SSPN: variants seen among roughly 807,000 people sequenced by gnomAD.
SSPN encodes K-ras oncogene-associated protein.
In SSPN, 15 loss-of-function variants were observed where a neutral mutation model predicts 19.1. That is an observed-to-expected ratio of 0.78 (90% confidence interval 0.52 to 1.21). SSPN has a LOEUF of 1.21. SSPN is among the 50% of genes most tolerant of loss of function. SSPN has a pLI of 0.00. For missense variants in SSPN, 291 were observed against 314.0 expected (o/e 0.93, Z 0.55); for synonymous variants, 147 against 140.3 (o/e 1.05, Z -0.34).
upstream of SSPN, chr12:26,195,528 C>T: frequency 8.0e-7 from 1 of 1,256,378 alleles, no homozygotes; most frequent in Non-Finnish European, 1.0e-6. Flanking sequence ...CCTTTGGAGG[C>T]TCGGTGAGTC....
At chr12:26,151,110 A>C (rs1944522658) in intron 1 of SSPN, among the ~76,000 whole-genome samples, 1 of 152,140 alleles carries the variant, frequency 6.6e-6, no homozygotes, top group Non-Finnish European at 1.5e-5. Flanking sequence ...AAAAGGGGCA[A>C]GTCTATATTT....
chr12:26,233,940 G>A lies in SSPN; in HGVS notation c.*2864G>A, dbSNP rs1945261242. 6.6e-6 allele frequency: 1 copy of A among 152,190 alleles called. No homozygotes were observed. Among genetic ancestry groups the A allele is most frequent in the Admixed American group, 6.5e-5 (1 of 15,278 alleles). 9.4% of individuals were successfully genotyped at this position (152,190 alleles called of 1,614,324 possible). A position where few individuals can be genotyped will look rare whatever the true frequency, so the allele number is the denominator to read the frequency against. On this transcript the variant is annotated 3_prime_UTR_variant, in exon 3 of 3. Transcript: ENST00000242729. This position sits in a 1 kb window ranked among gnomAD's most constrained non-coding sequence, Gnocchi z 4.3. ...TGCCTCCCTCGCTCCATCCAAATTT[G>A]TGTAGGCTGCTCCTTGGAGCTATGC...
chr12:26,230,099 A>G (rs1945214633), intron 2 of SSPN, among the ~76,000 whole-genome samples: 2 of 151,956 alleles, frequency 1.3e-5, no homozygotes, highest in African/African-American at 4.9e-5. Context: ...TTCACAGGCG[A>G]TGAAGCTGAC....
At chr12:26,229,774 G>C (rs1415022271) in intron 2 of SSPN, among the ~76,000 whole-genome samples, 1 of 152,170 alleles carries the variant, frequency 6.6e-6, no homozygotes, top group Non-Finnish European at 1.5e-5. Context: ...AGTCTCAGCA[G>C]GTGGACCATT....
intron 1 of SSPN, among the ~76,000 whole-genome samples, chr12:26,142,553 T>C (rs893977586): frequency 1.3e-5 from 2 of 152,164 alleles, no homozygotes; most frequent in Non-Finnish European, 2.9e-5. Flanking sequence ...TGAGACAGAT[T>C]TCACTGTGAC....
At chr12:26,203,347 C>T (rs1944902884) in intron 1 of SSPN, among the ~76,000 whole-genome samples, 1 of 152,148 alleles carries the variant, frequency 6.6e-6, no homozygotes, top group Admixed American at 6.5e-5. Context: ...CTGGATGGGA[C>T]CTCATGATGT....
upstream of SSPN, among the ~76,000 whole-genome samples, chr12:26,192,819 T>A (rs190730084): frequency 1.3e-5 from 2 of 152,366 alleles, no homozygotes; most frequent in Admixed American, 6.5e-5. Flanking sequence ...TAAGCTTTTT[T>A]AAAAAGTATA....
chr12:26,133,074 A>T (rs1400342809), intron 1 of SSPN, among the ~76,000 whole-genome samples: 1 of 152,184 alleles, frequency 6.6e-6, no homozygotes, highest in Non-Finnish European at 1.5e-5. Context: ...ATAACCTCCA[A>T]CACATAGATT....
chr12:26,163,839 A>G (rs1944604486), intron 1 of SSPN, among the ~76,000 whole-genome samples: 2 of 152,252 alleles, frequency 1.3e-5, no homozygotes, highest in South Asian at 4.1e-4. Flanking sequence ...TAGATTACAA[A>G]TCAATAACAT....
intron 1 of SSPN, chr12:26,123,068 A>C (rs772273273): frequency 7.3e-5 from 116 of 1,592,234 alleles, no homozygotes; most frequent in South Asian, 6.3e-4. Context: ...TCCAGCTCTC[A>C]AACCGGGAGA....
intron 1 of SSPN, among the ~76,000 whole-genome samples, chr12:26,152,737 A>G (rs907769511): frequency 2.6e-5 from 4 of 152,180 alleles, no homozygotes; most frequent in Non-Finnish European, 4.4e-5. Flanking sequence ...GGAGGCAGTC[A>G]TATTTTTAAA....
At chr12:26,130,893 A>G (rs2137396636) in intron 1 of SSPN, among the ~76,000 whole-genome samples, 1 of 130,886 alleles carries the variant, frequency 7.6e-6, no homozygotes, top group Non-Finnish European at 1.5e-5. Flanking sequence ...AGGTCTCTTA[A>G]GGAGCTTTTT....
intron 1 of SSPN, among the ~76,000 whole-genome samples, chr12:26,182,824 G>T (rs1398763339): frequency 6.6e-6 from 1 of 150,676 alleles, no homozygotes; most frequent in Non-Finnish European, 1.5e-5. Flanking sequence ...GTGAAGTAGG[G>T]CAATCTGTGC....
chr12:26,130,244 A>G (rs1024870551), intron 1 of SSPN, among the ~76,000 whole-genome samples: 2 of 152,148 alleles, frequency 1.3e-5, no homozygotes, highest in African/African-American at 2.4e-5. Context: ...TTCTTGGAAA[A>G]ATCTTCCAAG....
chr12:26,213,570 G>A (rs146138661), intron 1 of SSPN, among the ~76,000 whole-genome samples: 1 of 151,412 alleles, frequency 6.6e-6, no homozygotes, highest in Non-Finnish European at 1.5e-5. Flanking sequence ...CCTTTCTCGG[G>A]GGCATTCATA....
chr12:26,176,164 A>G (rs570671308), intron 1 of SSPN, among the ~76,000 whole-genome samples: 3 of 152,298 alleles, frequency 2.0e-5, no homozygotes, highest in Middle Eastern at 3.4e-3. Context: ...ATTGCAAAAA[A>G]TATTTCAAAT....
At position 26,232,166 on chromosome 12, in the gene SSPN, T is replaced by G; in HGVS notation, c.*1090T>G. 1.0e-6 allele frequency: 1 copy of G among 985,492 alleles called. No homozygotes were observed. Among genetic ancestry groups the G allele is most frequent in the Non-Finnish European group, 1.2e-6 (1 of 829,936 alleles). The allele number at this position is 985,492 out of a possible 1,614,324, so 61.0% of individuals were successfully genotyped here. A position where few individuals can be genotyped will look rare whatever the true frequency, so the allele number is the denominator to read the frequency against. ...ATGTTTGAGGAAGATTGGGTAATGCTGATGTGTTCCATTCATGAAACTGTA... is the reference window on the plus strand; with the variant it reads ...ATGTTTGAGGAAGATTGGGTAATGCGGATGTGTTCCATTCATGAAACTGTA... On this transcript the variant is annotated 3_prime_UTR_variant, in exon 3 of 3. Coordinates refer to ENST00000242729, the MANE Select transcript of SSPN (RefSeq NM_005086.5).
chr12:26,210,130 A>G (rs1343966488), intron 1 of SSPN, among the ~76,000 whole-genome samples: 1 of 151,952 alleles, frequency 6.6e-6, no homozygotes, highest in Non-Finnish European at 1.5e-5. Flanking sequence ...CTTGATAACT[A>G]TCAACTCATG....
Position 26,174,503 on chromosome 12 carries a change from C to CCCTT in SSPN, c.-30-49765_-30-49762dup, listed in dbSNP as rs1555177709. Among the ~76,000 whole-genome samples the CCCTT allele has an allele frequency of 1.9e-3, 232 of 124,392 alleles. 1 individual carries two copies. The highest frequency in any genetic ancestry group is 3.3e-3 in the Admixed American group (43 of 12,868). The allele number at this position is 124,392 out of a possible 152,430, so 81.6% of individuals were successfully genotyped here. A position where few individuals can be genotyped will look rare whatever the true frequency, so the allele number is the denominator to read the frequency against. Reference sequence around the variant, plus strand: ...TCCTTCCTTCCTTCCTTCCTTCCTTCCCTTCCTTCCTTCCTTCCTTCCTTC... The same window carrying CCCTT: ...TCCTTCCTTCCTTCCTTCCTTCCTTCCCTTCCTTCCTTCCTTCCTTCCTTCCTTC... On this transcript the variant is annotated intron_variant, in intron 1 of 2. Transcript: ENST00000538142.
Sources: gnomAD v4.1 joint callset for allele counts (sites outside exome capture counted in the v4.1 genomes callset) on GRCh38, gnomAD v4.1.1 for gene constraint, Gnocchi (gnomAD v3.1) non-coding constraint, MANE v1.5 for transcripts, NCBI Gene and HGNC (gene_info 2026-07-23, HGNC 2026-07-21) for gene names.